The following ITGA9 variants were observed in gnomAD, a reference collection of about 807,000 sequenced individuals.
ITGA9 encodes the protein integrin alpha-9.
A neutral mutation model predicts 127.8 loss-of-function variants in ITGA9; 56 were observed. The observed-to-expected ratio is 0.44, with a 90% CI of 0.35 to 0.55. ITGA9 has a LOEUF of 0.55. Among genes scored for constraint, ITGA9 ranks in the 20% least tolerant of loss-of-function variants. The probability of loss-of-function intolerance (pLI) is 0.00; values close to 1 mark genes in which losing one functional copy is unlikely to be tolerated. For synonymous variants in ITGA9, 508 were observed against 514.5 expected (o/e 0.99, Z 0.17); for missense variants, 1,196 against 1,347.1 (o/e 0.89, Z 1.76).
intron 17 of ITGA9, among the ~76,000 whole-genome samples, chr3:37,676,353 A>T (rs1700682407): frequency 6.6e-6 from 1 of 152,244 alleles, no homozygotes; most frequent in African/African-American, 2.4e-5. Flanking sequence ...GCCACATGTT[A>T]TCTGTAGCAA....
At chr3:37,456,657 C>T (rs908681735) in intron 1 of ITGA9, among the ~76,000 whole-genome samples, 8 of 152,208 alleles carry the variant, frequency 5.3e-5, no homozygotes, top group African/African-American at 1.9e-4. Context: ...TGCTTAGGCA[C>T]AGAGCGAGTG....
chr3:37,798,563 A>G (rs1697201132), intron 26 of ITGA9, among the ~76,000 whole-genome samples: 2 of 152,306 alleles, frequency 1.3e-5, no homozygotes, highest in South Asian at 4.1e-4. Context: ...ATTCTTATAC[A>G]CAGTAAAATT....
intron 18 of ITGA9, among the ~76,000 whole-genome samples, chr3:37,711,836 C>A (rs899973760): frequency 6.6e-6 from 1 of 152,228 alleles, no homozygotes; most frequent in African/African-American, 2.4e-5. Flanking sequence ...GTACCTGGCA[C>A]CCATTAAAAA....
chr3:37,452,408 A>C lies in ITGA9; in HGVS notation c.34A>C (p.Arg12=), dbSNP rs1029542671. Residue 12 remains arginine (R), a synonymous_variant, in exon 1 of 28, where the codon AGG becomes CGG. Coordinates refer to ENST00000264741, the MANE Select transcript of ITGA9 (RefSeq NM_002207.3). This position sits in a 1 kb window ranked among gnomAD's most constrained non-coding sequence, Gnocchi z 7.3. ...CCCGGCTGCGCCGAGGGGCGCCGGG[A>C]GGCTCCGCGCGCTGCTGCTGGCGCT... ...GGPAAPRGAG[R]LRALLLALVV... is the part of the protein sequence containing the mutation. 3.6e-5 allele frequency: 51 copies of C among 1,416,524 alleles called. No individual in the cohort carries two copies. In the African/African-American group the frequency reaches 6.3e-4, roughly 18 times the overall value. The allele number at this position is 1,416,524 out of a possible 1,614,324, so 87.7% of individuals were successfully genotyped here.
rs1697523979 is a variant in ITGA9, at chr3:37,822,316, T to C, written c.*3327T>C. On this transcript the variant is annotated 3_prime_UTR_variant, in exon 28 of 28. Transcript: ENST00000264741. ...AAAATGGAGTAAAACAGTGCCCCTTTTTTAAAAAAAGTTTTGCTTATGCTT... is the reference window on the plus strand; with the variant it reads ...AAAATGGAGTAAAACAGTGCCCCTTCTTTAAAAAAAGTTTTGCTTATGCTT... The C allele has an allele frequency of 6.6e-6, 1 of 150,758 alleles. No homozygotes were observed. The allele number at this position is 150,758 out of a possible 1,614,324, so 9.3% of individuals were successfully genotyped here.
At chr3:37,544,642 A>C (rs1340868732) in intron 15 of ITGA9, among the ~76,000 whole-genome samples, 1 of 152,036 alleles carries the variant, frequency 6.6e-6, no homozygotes, top group Non-Finnish European at 1.5e-5. Flanking sequence ...TCTCGAGTGC[A>C]GATCCAGCAC....
At position 37,785,042 on chromosome 3, in the gene ITGA9, G is replaced by A. The variant is rs1441757718; in HGVS notation, c.2853G>A (p.Val951=). The change falls in exon 26 of 28, where the codon GTG becomes GTA. Residue 951 remains valine (V), a synonymous_variant. Transcript: ENST00000264741. ...AKVKVDPALR[V]VEIAHGNPEE... is the part of the protein sequence containing the mutation. ...TGAAGGTGGATCCTGCCCTAAGGGT[G>A]GTGGAAATAGCTCATGGGAACCCAG... 1 of 1,614,086 alleles carries A rather than the reference G, an allele frequency of 6.2e-7. No homozygotes were observed. Among genetic ancestry groups the A allele is most frequent in the African/African-American group, 1.3e-5 (1 of 75,040 alleles).
chr3:37,489,834 C>T (rs1698649861), intron 4 of ITGA9, among the ~76,000 whole-genome samples: 1 of 151,970 alleles, frequency 6.6e-6, no homozygotes, highest in East Asian at 1.9e-4. Flanking sequence ...AGCACTTGAA[C>T]ATAAATTTAA....
chr3:37,815,776 C>A (rs767239466), intron 27 of ITGA9, among the ~76,000 whole-genome samples: 1 of 152,160 alleles, frequency 6.6e-6, no homozygotes, highest in Non-Finnish European at 1.5e-5. Context: ...CAGTATTCAG[C>A]GGCTTAAAAG....
intron 26 of ITGA9, among the ~76,000 whole-genome samples, chr3:37,797,976 T>C (rs375195707): frequency 1.3e-5 from 2 of 152,124 alleles, no homozygotes; most frequent in African/African-American, 4.8e-5. Context: ...TGATCCACCA[T>C]ACCCAACCTA....
At chr3:37,639,919 C>G (rs1463457569) in intron 16 of ITGA9, among the ~76,000 whole-genome samples, 2 of 152,162 alleles carry the variant, frequency 1.3e-5, no homozygotes, top group Admixed American at 1.3e-4. Context: ...ACCTGAAGGT[C>G]CTTTATCCCT....
At chr3:37,455,251 T>C (rs1423333376) in intron 1 of ITGA9, among the ~76,000 whole-genome samples, 2 of 152,174 alleles carry the variant, frequency 1.3e-5, no homozygotes, top group Non-Finnish European at 2.9e-5. Flanking sequence ...TCATTTTCAA[T>C]TATTCGTGAT....
intron 17 of ITGA9, among the ~76,000 whole-genome samples, chr3:37,663,970 A>G (rs1481827363): frequency 6.6e-6 from 1 of 152,248 alleles, no homozygotes; most frequent in Non-Finnish European, 1.5e-5. Context: ...AACTAGCATT[A>G]TTATTTCATT....
At chr3:37,741,581 T>G (rs1336193519) in intron 20 of ITGA9, 149 bp from the exon 21 acceptor site, 8 of 700,780 alleles carry the variant, frequency 1.1e-5, no homozygotes, top group Non-Finnish European at 1.6e-5. Context: ...TTGATAGATA[T>G]GTACAGGGAC....
intron 18 of ITGA9, among the ~76,000 whole-genome samples, chr3:37,732,345 C>G (rs996864720): frequency 1.3e-5 from 2 of 152,016 alleles, no homozygotes; most frequent in African/African-American, 4.8e-5. Context: ...TCTGAAAAGG[C>G]AGGATTAGGG....
chr3:37,613,437 T>C (rs1402004184), intron 15 of ITGA9, among the ~76,000 whole-genome samples: 1 of 152,188 alleles, frequency 6.6e-6, no homozygotes, highest in Non-Finnish European at 1.5e-5. Flanking sequence ...TGTGCATGTG[T>C]CTTTATAGCA....
chr3:37,510,338 G>T (rs950207644), intron 8 of ITGA9, among the ~76,000 whole-genome samples: 3 of 151,836 alleles, frequency 2.0e-5, no homozygotes, highest in Non-Finnish European at 2.9e-5. Context: ...GAGTTTCTGA[G>T]TATCTTTATG....
intron 16 of ITGA9, among the ~76,000 whole-genome samples, chr3:37,634,734 A>T (rs989922524): frequency 6.6e-6 from 1 of 152,138 alleles, no homozygotes; most frequent in Non-Finnish European, 1.5e-5. Flanking sequence ...CTTAAACTAC[A>T]CTCTAGAATA....
chr3:37,690,038 G>C (rs1700816517), intron 18 of ITGA9, among the ~76,000 whole-genome samples: 1 of 152,248 alleles, frequency 6.6e-6, no homozygotes, highest in Non-Finnish European at 1.5e-5. Context: ...GATATGACAA[G>C]GTGAAGCAAG....
Sources: gnomAD v4.1 joint callset for allele counts (sites outside exome capture counted in the v4.1 genomes callset) on GRCh38, gnomAD v4.1.1 for gene constraint, Gnocchi (gnomAD v3.1) non-coding constraint, MANE v1.5 for transcripts, NCBI Gene and HGNC (gene_info 2026-07-23, HGNC 2026-07-21) for gene names.